The following MVK variants were observed in gnomAD, a reference collection of about 807,000 sequenced individuals.
The protein encoded by MVK is LH receptor mRNA-binding protein.
MVK carries 34 observed loss-of-function variants against 43.2 expected under a neutral mutation model. The ratio of observed to expected loss-of-function variants is 0.79; its 90% CI spans 0.60 to 1.05. The LOEUF (loss-of-function observed/expected upper bound fraction) is 1.05. Ranked by LOEUF, MVK falls within the 50% of genes least tolerant of loss-of-function variation. The pLI is 0.00. For synonymous variants in MVK, 190 were observed against 219.8 expected (o/e 0.86, Z 1.20); for missense variants, 395 against 504.0 (o/e 0.78, Z 2.07).
At chr12:109,573,570 A>T, upstream of MVK, 4 of 1,465,564 alleles carry the variant, frequency 2.7e-6, no homozygotes, top group Non-Finnish European at 3.7e-6. Flanking sequence ...GCCACCGCTC[A>T]GGTTTCAATT....
At chr12:109,581,686 C>T in intron 5 of MVK, 136 bp downstream of exon 5, 18 of 1,302,174 alleles carry the variant, frequency 1.4e-5, no homozygotes, top group Non-Finnish European at 2.0e-5. Context: ...GGAAGCTGAG[C>T]CCCGAGAGGT....
At chr12:109,587,082 T>C in intron 7 of MVK, 1 of 460,004 alleles carries the variant, frequency 2.2e-6, no homozygotes, top group South Asian at 2.1e-5. Context: ...CATTCCTGTA[T>C]TTGCTTAGTA....
Position 109,573,887 on chromosome 12 carries a change from G to T in MVK, c.-15+14G>T. ...CGGCGGCGGCAGGTGAGAGGCCGGGGTCGGGCGGCCGGGCGGCGCGAGGTC... is the reference window on the plus strand; with the variant it reads ...CGGCGGCGGCAGGTGAGAGGCCGGGTTCGGGCGGCCGGGCGGCGCGAGGTC... On this transcript the variant is annotated intron_variant, in intron 1 of 10. Coordinates refer to ENST00000228510, the MANE Select transcript of MVK (RefSeq NM_000431.4). 5.1e-6 allele frequency: 1 copy of T among 196,258 alleles called. No individual in the cohort carries two copies. The highest frequency in any genetic ancestry group is 9.4e-5 in the South Asian group (1 of 10,656). 12.2% of individuals were successfully genotyped at this position (196,258 alleles called of 1,614,324 possible).
chr12:109,598,122 C>T lies in MVK; in HGVS notation c.*1545C>T, dbSNP rs1226702224. The T allele has an allele frequency of 1.3e-5, 2 of 152,320 alleles. No individual in the cohort carries two copies. The highest frequency in any genetic ancestry group is 1.3e-4 in the Admixed American group (2 of 15,292). 9.4% of individuals were successfully genotyped at this position (152,320 alleles called of 1,614,324 possible). ...CAGTAATACTAATTAATACTGAACG[C>T]TCACTGTGGACTAGGCGTGTTTACG... is the stretch of plus-strand genomic sequence containing the variant. On this transcript the variant is annotated 3_prime_UTR_variant, in exon 11 of 11. Transcript: ENST00000228510.
chr12:109,589,116 G>A (rs1313318487), intron 7 of MVK: 1 of 152,608 alleles, frequency 6.6e-6, no homozygotes, highest in Non-Finnish European at 1.5e-5. Flanking sequence ...GGGGAGCGAG[G>A]AGAGAAGAAG....
rs104895305 is a variant in MVK, at chr12:109,595,067, G to A, written c.925G>A (p.Gly309Ser). ...GAACCAGCACCATCTGAATGCCCTC[G>A]GCGTGGGCCACGCCTCTCTGGACCA... is the stretch of plus-strand genomic sequence containing the variant. ...DMNQHHLNAL[G>S]VGHASLDQLC... is the part of the protein sequence containing the mutation. Residue 309 changes from glycine (G) to serine (S), a missense_variant, in exon 10 of 11, where the codon GGC (glycine) becomes AGC (serine). Coordinates refer to ENST00000228510, the MANE Select transcript of MVK (RefSeq NM_000431.4). The surrounding 1 kb of genome is among the most constrained non-coding windows in gnomAD (Gnocchi z 5.9). The A allele has an allele frequency of 5.0e-6, 8 of 1,614,198 alleles. No individual in the cohort carries two copies. Among genetic ancestry groups the A allele is most frequent in the South Asian group, 1.1e-5 (1 of 91,088 alleles).
intron 3 of MVK, among the ~76,000 whole-genome samples, chr12:109,577,074 A>G (rs1397577380): frequency 2.6e-5 from 4 of 152,198 alleles, no homozygotes; most frequent in Non-Finnish European, 4.4e-5. Flanking sequence ...TGATAGAGAC[A>G]GGGAGATATC....
chr12:109,588,713 C>T (rs1370227051), intron 7 of MVK: 2 of 152,284 alleles, frequency 1.3e-5, no homozygotes, highest in Admixed American at 1.3e-4. Flanking sequence ...GTTCATTCAT[C>T]CTTTCCACAA....
At chr12:109,584,413 T>G (rs1857569730) in intron 5 of MVK, among the ~76,000 whole-genome samples, 1 of 152,168 alleles carries the variant, frequency 6.6e-6, no homozygotes, top group Admixed American at 6.6e-5. Flanking sequence ...ACGGCCTATT[T>G]TGAGGGGAGC....
intron 5 of MVK, among the ~76,000 whole-genome samples, chr12:109,583,046 A>C (rs1011146987): frequency 6.7e-6 from 1 of 150,046 alleles, no homozygotes; most frequent in Non-Finnish European, 1.5e-5. Flanking sequence ...TAACTATATT[A>C]TCATTTATTA....
intron 5 of MVK, among the ~76,000 whole-genome samples, chr12:109,583,954 A>G (rs1885334787): frequency 6.6e-6 from 1 of 152,222 alleles, no homozygotes; most frequent in African/African-American, 2.4e-5. Context: ...TGCTGAATGA[A>G]TAAGTGAGTG....
chr12:109,574,962 A>G (rs1884869716), intron 2 of MVK, 62 bp downstream of exon 2: 3 of 1,497,006 alleles, frequency 2.0e-6, no homozygotes, highest in South Asian at 1.2e-5. Context: ...TAATTTTGTA[A>G]GAAGGTAAAA....
chr12:109,576,880 A>G (rs1312589877), intron 3 of MVK, among the ~76,000 whole-genome samples: 2 of 152,126 alleles, frequency 1.3e-5, no homozygotes, highest in Admixed American at 1.3e-4. Context: ...CAAAAAAAAA[A>G]AAAAAAATTT....
In MVK at chr12:109,579,921, T is replaced by C. The variant is rs104895382; in HGVS notation, c.346T>C (p.Tyr116His). ...GGCTGTGCTGGCCTTTCTTTACTTA[T>C]ACCTGTCCATCTGCCGGAAGCAGAG... is the stretch of plus-strand genomic sequence containing the variant. ...RLAVLAFLYL[Y>H]LSICRKQRAL... Residue 116 changes from tyrosine to histidine, a missense_variant, in exon 4 of 11, where the codon TAC becomes CAC. Coordinates refer to ENST00000228510, the MANE Select transcript of MVK (RefSeq NM_000431.4). 32 of 1,614,102 alleles carry C rather than the reference T, an allele frequency of 2.0e-5. No homozygotes were observed. The African/African-American group carries it at 2.3e-4, about 11-fold the overall frequency.
chr12:109,575,971 T>G, intron 2 of MVK, 27 bp from the exon 3 acceptor site: 1 of 1,613,964 alleles, frequency 6.2e-7, no homozygotes, highest in Non-Finnish European at 8.5e-7. Flanking sequence ...ACCCTCAGGC[T>G]TATTGCTTTT....
chr12:109,582,737 C>T (rs1885274049), intron 5 of MVK, among the ~76,000 whole-genome samples: 1 of 151,710 alleles, frequency 6.6e-6, no homozygotes, highest in Non-Finnish European at 1.5e-5. Flanking sequence ...GAGGAAGACT[C>T]ACATTTGTTG....
chr12:109,597,146 C>CCGGA lies in MVK; in HGVS notation c.*570_*573dup. 1 of 183,282 alleles carries CCGGA rather than the reference C, an allele frequency of 5.5e-6. No individual in the cohort carries two copies. Among genetic ancestry groups the CCGGA allele is most frequent in the Admixed American group, 5.3e-5 (1 of 18,750 alleles). 11.4% of individuals were successfully genotyped at this position (183,282 alleles called of 1,614,324 possible). On this transcript the variant is annotated 3_prime_UTR_variant, in exon 11 of 11. Transcript: ENST00000228510. Reference sequence around the variant, plus strand: ...GGATGGGGCTCCCCCAGGGGCTGTCCCGGAGGCGGTGGGCCTGGTTAAATA... The same window carrying CCGGA: ...GGATGGGGCTCCCCCAGGGGCTGTCCCGGACGGAGGCGGTGGGCCTGGTTAAATA...
Position 109,584,659 on chromosome 12 carries a change from C to A in MVK, c.528-1363C>A, listed in dbSNP as rs7316138. Among the ~76,000 whole-genome samples, 1,184 of 152,172 alleles carry A rather than the reference C, an allele frequency of 7.8e-3. 18 individuals are homozygous for A. The highest frequency in any genetic ancestry group is 0.027 in the African/African-American group (1,121 of 41,500). On this transcript the variant is annotated intron_variant, in intron 5 of 10. Transcript: ENST00000228510. ...CAGCACTTTGGGAGGCTGAGGTAGG[C>A]AGATCGCTTCAGGTCAGGAGTTCGA... is the stretch of plus-strand genomic sequence containing the variant.
At chr12:109,577,232 G>A (rs1328933495) in intron 3 of MVK, among the ~76,000 whole-genome samples, 1 of 152,188 alleles carries the variant, frequency 6.6e-6, no homozygotes, top group Non-Finnish European at 1.5e-5. Flanking sequence ...TCCATCAGTG[G>A]AGTCCCCTGT....
Sources: allele counts gnomAD v4.1 joint callset (sites outside exome capture counted in the v4.1 genomes callset), GRCh38; gene constraint gnomAD v4.1.1; non-coding constraint Gnocchi (gnomAD v3.1); transcripts MANE v1.5; gene names NCBI Gene and HGNC (gene_info 2026-07-23, HGNC 2026-07-21).